Variants in PRH1 observed in about 807,000 individuals in gnomAD.
PRH1 encodes the protein proline rich protein HaeIII subfamily 1.
PRH1 carries 7 observed loss-of-function variants against 7.9 expected under a neutral mutation model. The observed-to-expected ratio is 0.89, with a 90% CI of 0.50 to 1.67. PRH1 has a LOEUF of 1.67. Among genes scored for constraint, PRH1 ranks in the 40% most tolerant of loss-of-function variants. The probability of loss-of-function intolerance (pLI) is 0.00; values close to 1 mark genes in which losing one functional copy is unlikely to be tolerated. For synonymous variants in PRH1, 45 were observed against 80.8 expected, an observed-to-expected ratio of 0.56 and a Z score of 2.38; for missense variants, 109 against 223.6, an observed-to-expected ratio of 0.49 and a Z score of 3.27.
chr12:10,916,936 C>T (rs1949980251), intron 2 of PRH1, among the ~76,000 whole-genome samples: 1 of 151,908 alleles, frequency 6.6e-6, no homozygotes, highest in South Asian at 2.1e-4. Flanking sequence ...AATAGCTGGG[C>T]ATGGTGGTGC....
intron 1 of PRH1, among the ~76,000 whole-genome samples, chr12:11,039,173 T>A (rs541364322): frequency 6.6e-6 from 1 of 152,344 alleles, no homozygotes; most frequent in Admixed American, 6.5e-5. Flanking sequence ...AAAAAATGAT[T>A]GGTAGTAAAC....
intron 1 of PRH1, chr12:11,134,381 T>A: frequency 1.8e-6 from 2 of 1,092,906 alleles, no homozygotes; most frequent in Non-Finnish European, 2.6e-6. Flanking sequence ...TTTTAATTGC[T>A]GTGACCAGTG....
intron 1 of PRH1, among the ~76,000 whole-genome samples, chr12:11,061,201 C>T (rs1943584339): frequency 9.0e-6 from 1 of 111,096 alleles, no homozygotes; most frequent in South Asian, 4.3e-4. Flanking sequence ...CATATATATA[C>T]ATACGCACTT....
At chr12:11,087,765 A>G (rs1364406502) in intron 1 of PRH1, among the ~76,000 whole-genome samples, 8 of 109,134 alleles carry the variant, frequency 7.3e-5, no homozygotes, top group Admixed American at 2.7e-4. Context: ...AACCAGATGG[A>G]TTACAGAATC....
upstream of PRH1, chr12:10,884,353 T>C (rs1335835388): frequency 2.9e-6 from 3 of 1,029,246 alleles, no homozygotes; most frequent in Non-Finnish European, 4.5e-6. Context: ...GACTGGCTTC[T>C]GCTTTGCTTA....
chr12:11,035,623 T>G (rs1429974578), intron 1 of PRH1, among the ~76,000 whole-genome samples: 1 of 152,214 alleles, frequency 6.6e-6, no homozygotes, highest in Admixed American at 6.5e-5. Context: ...ACCATATTTT[T>G]CTTTTTGTAA....
chr12:11,103,733 CGTG>C (rs1945326204), intron 1 of PRH1, among the ~76,000 whole-genome samples: 1 of 151,774 alleles, frequency 6.6e-6, no homozygotes, highest in Non-Finnish European at 1.5e-5. Context: ...AACAAAATCT[CGTG>C]TTAAGCCATA....
intron 1 of PRH1, among the ~76,000 whole-genome samples, chr12:11,004,768 T>A (rs1940751245): frequency 6.6e-6 from 1 of 152,120 alleles, no homozygotes; most frequent in Admixed American, 6.6e-5. Context: ...TAATCAATCA[T>A]TACGTCAAAT....
chr12:11,026,738 C>T (rs928395759), intron 1 of PRH1, among the ~76,000 whole-genome samples: 1 of 152,198 alleles, frequency 6.6e-6, no homozygotes, highest in Non-Finnish European at 1.5e-5. Flanking sequence ...TAAATCAACA[C>T]TCACAAATGC....
intron 1 of PRH1, among the ~76,000 whole-genome samples, chr12:11,150,183 AGG>A (rs968013014): frequency 3.9e-4 from 59 of 151,586 alleles, no homozygotes; most frequent in African/African-American, 1.3e-3. Context: ...GGTGCTGGAG[AGG>A]ATGTGGAGAA....
intron 1 of PRH1, among the ~76,000 whole-genome samples, chr12:11,145,260 C>T (rs1286840754): frequency 2.0e-5 from 3 of 152,114 alleles, no homozygotes; most frequent in Non-Finnish European, 4.4e-5. Flanking sequence ...GGCGCAATCT[C>T]GGGTCACTGC....
At chr12:10,951,510 A>G (rs184988305) in intron 2 of PRH1, among the ~76,000 whole-genome samples, 1 of 152,254 alleles carries the variant, frequency 6.6e-6, no homozygotes, top group Non-Finnish European at 1.5e-5. Context: ...ATGAATGGGA[A>G]TAGTTTTTGT....
rs938016965 is a variant in PRH1 at position 11,004,910 on chromosome 12, C to G, written c.-125-31189G>C. On this transcript the variant is annotated intron_variant, in intron 1 of 3. Coordinates refer to the PRH1 transcript ENST00000539853. ...AGTCTATAAGTTTAATAATAGCTGT[C>G]CATGGTAAAACACAAATTCTACCAT... Among the ~76,000 whole-genome samples, 8 of 152,188 alleles carry G rather than the reference C, an allele frequency of 5.3e-5. No individual in the cohort carries two copies. In the East Asian group the frequency reaches 1.6e-3, roughly 29 times the overall value.
upstream of PRH1, among the ~76,000 whole-genome samples, chr12:11,049,662 T>C (rs1000437564): frequency 1.3e-5 from 2 of 152,206 alleles, no homozygotes; most frequent in Non-Finnish European, 2.9e-5. Context: ...GCATCGTCAG[T>C]TGTTACATAG....
chr12:11,073,961 G>A (rs1177439035), intron 1 of PRH1, among the ~76,000 whole-genome samples: 4 of 141,030 alleles, frequency 2.8e-5, no homozygotes, highest in South Asian at 2.1e-4. Flanking sequence ...GCACAAGACT[G>A]CGTGCAACTA....
chr12:11,160,015 T>A (rs1947366249), intron 1 of PRH1, among the ~76,000 whole-genome samples: 1 of 152,154 alleles, frequency 6.6e-6, no homozygotes, highest in Non-Finnish European at 1.5e-5. Flanking sequence ...GCCACAATTT[T>A]CCATTCATGG....
chr12:11,076,929 A>G (rs1944314261), intron 1 of PRH1: 1 of 115,440 alleles, frequency 8.7e-6, no homozygotes, highest in Non-Finnish European at 2.1e-5. Flanking sequence ...CCAAACAATT[A>G]GGGGTTCACC....
chr12:11,022,130 T>C (rs1179285466), intron 1 of PRH1: 2 of 1,613,780 alleles, frequency 1.2e-6, no homozygotes. Flanking sequence ...TCATCCATGG[T>C]TATCACAGCA....
intron 1 of PRH1, among the ~76,000 whole-genome samples, chr12:11,023,156 G>C (rs144079844): frequency 1.3e-5 from 2 of 152,244 alleles, no homozygotes; most frequent in East Asian, 3.9e-4. Context: ...ATCCCTGGGA[G>C]GCTGATACAC....
Sources: allele counts gnomAD v4.1 joint callset (sites outside exome capture counted in the v4.1 genomes callset), GRCh38; gene constraint gnomAD v4.1.1; transcripts MANE v1.5; gene names NCBI Gene and HGNC (gene_info 2026-07-23, HGNC 2026-07-21).